KYAT1: variants seen among roughly 807,000 people sequenced by gnomAD.
KYAT1 encodes kynurenine--oxoglutarate transaminase 1.
Under a neutral mutation model 52.4 loss-of-function variants are expected in KYAT1, and 47 were observed. The ratio of observed to expected loss-of-function variants is 0.90; its 90% CI spans 0.71 to 1.14. The LOEUF (loss-of-function observed/expected upper bound fraction) is 1.14, where lower values mean the gene tolerates loss of function less well. Among genes scored for constraint, KYAT1 ranks in the 50% most tolerant of loss-of-function variants. The probability of loss-of-function intolerance (pLI) is 0.00; values close to 1 mark genes in which losing one functional copy is unlikely to be tolerated. For synonymous variants in KYAT1, 212 were observed against 209.6 expected (o/e 1.01, Z -0.10); for missense variants, 480 against 557.9 (o/e 0.86, Z 1.41).
chr9:128,844,819 G>T (rs373669020), intron 2 of KYAT1, among the ~76,000 whole-genome samples: 2 of 151,914 alleles, frequency 1.3e-5, no homozygotes, highest in Non-Finnish European at 2.9e-5. Flanking sequence ...AGCCGAGACC[G>T]CACCATTGCA....
chr9:128,855,341 T>C (rs535651085), intron 1 of KYAT1, among the ~76,000 whole-genome samples: 2 of 152,274 alleles, frequency 1.3e-5, no homozygotes, highest in Non-Finnish European at 2.9e-5. Context: ...TCCATGGAAA[T>C]GGGGTGAAAA....
intron 3 of KYAT1, among the ~76,000 whole-genome samples, chr9:128,838,940 A>T (rs886248502): frequency 3.1e-5 from 4 of 128,490 alleles, no homozygotes; most frequent in African/African-American, 1.2e-4. Flanking sequence ...AGAGGCTTTT[A>T]TTTATTTATT....
At chr9:128,833,892 G>A (rs746951353) in intron 11 of KYAT1, 66 bp from the exon 12 acceptor site, 2 of 1,306,532 alleles carry the variant, frequency 1.5e-6, no homozygotes, top group Non-Finnish European at 2.2e-6. Context: ...CTCCGGAGGG[G>A]ACAGAGAGGT....
chr9:128,867,865 C>A (rs778558379), intron 1 of KYAT1, among the ~76,000 whole-genome samples: 1 of 152,092 alleles, frequency 6.6e-6, no homozygotes, highest in South Asian at 2.1e-4. Context: ...CTCTGCCTCC[C>A]GGGTTCACGC....
chr9:128,866,554 G>A (rs1836405992), intron 1 of KYAT1, among the ~76,000 whole-genome samples: 1 of 152,076 alleles, frequency 6.6e-6, no homozygotes, highest in South Asian at 2.1e-4. Context: ...AGCTGAGATC[G>A]TGCCATTGCA....
intron 1 of KYAT1, among the ~76,000 whole-genome samples, chr9:128,849,587 A>C (rs1588091715): frequency 6.7e-6 from 1 of 149,656 alleles, no homozygotes; most frequent in South Asian, 2.1e-4. Flanking sequence ...TGAGGTTAGG[A>C]GCTCAAGACC....
intron 1 of KYAT1, among the ~76,000 whole-genome samples, chr9:128,851,327 C>T (rs908287015): frequency 6.6e-6 from 1 of 152,114 alleles, no homozygotes; most frequent in East Asian, 1.9e-4. Flanking sequence ...TTCCCGAGTA[C>T]GTCCACGGTC....
chr9:128,877,460 G>A (rs1838214577), intron 1 of KYAT1, among the ~76,000 whole-genome samples: 1 of 152,190 alleles, frequency 6.6e-6, no homozygotes, highest in Non-Finnish European at 1.5e-5. Flanking sequence ...CTCAAAAGGA[G>A]AACAAGGAAA....
rs558366165 is a variant in KYAT1 at position 128,857,128 on chromosome 9, C to T, written c.-6-11717G>A. Among the ~76,000 whole-genome samples, 731 of 152,332 alleles carry T rather than the reference C, an allele frequency of 4.8e-3. 4 individuals are homozygous for T. Among genetic ancestry groups the T allele is most frequent in the African/African-American group, 0.014 (580 of 41,580 alleles). ...GTTTGGGCGGGGAGAAACATAAATC[C>T]GGCCTACGTGCACATGCAGGCATAG... On this transcript the variant is annotated intron_variant, in intron 1 of 12. Transcript: ENST00000302586.
chr9:128,865,344 TA>T (rs1836168884), intron 1 of KYAT1, among the ~76,000 whole-genome samples: 8 of 7,004 alleles, frequency 1.1e-3, no homozygotes, highest in East Asian at 4.5e-3. Context: ...TATATATATA[TA>T]TATATATATA....
chr9:128,862,803 C>A (rs1835639919), intron 1 of KYAT1, among the ~76,000 whole-genome samples: 2 of 152,198 alleles, frequency 1.3e-5, no homozygotes, highest in Non-Finnish European at 1.5e-5. Flanking sequence ...TAAGACTGGG[C>A]ATAGGAGTCA....
intron 6 of KYAT1, 139 bp from the exon 7 acceptor site, chr9:128,837,061 A>C (rs1831261178): frequency 9.3e-7 from 1 of 1,077,298 alleles, no homozygotes; most frequent in Non-Finnish European, 1.3e-6. Context: ...TGGGAGGCCG[A>C]GGCGGGCGGA....
chr9:128,856,456 C>T (rs571186308), intron 1 of KYAT1, among the ~76,000 whole-genome samples: 33 of 152,088 alleles, frequency 2.2e-4, no homozygotes, highest in African/African-American at 6.8e-4. Context: ...GGGATATGTA[C>T]GGCAAAGAAA....
intron 3 of KYAT1, among the ~76,000 whole-genome samples, chr9:128,841,705 A>AAG (rs1832212702): frequency 6.6e-6 from 1 of 150,832 alleles, no homozygotes; most frequent in Admixed American, 6.6e-5. Context: ...AAAAAAAAAA[A>AAG]AAAAAAAAGA....
At chr9:128,865,363 T>TTTTTTTATTTTTTTA (rs1836217325) in intron 1 of KYAT1, among the ~76,000 whole-genome samples, 1 of 65,934 alleles carries the variant, frequency 1.5e-5, no homozygotes, top group African/African-American at 1.3e-4. Flanking sequence ...ATATATATTT[T>TTTTTTTATTTTTTTA]TTTTTTTTTT....
In KYAT1 at chr9:128,842,745, A is replaced by G. The variant is rs773715008; in HGVS notation, c.110T>C (p.Phe37Ser). The part of the protein sequence containing the change: ...EHDVVNLGQG[F>S]PDFPPPDFAV... ...AAAGTCTGGTGGTGGGAAATCCGGG[A>G]AGCCCTGGCCCAAGTTCACGACGTC... The change falls in exon 3 of 13, where the codon TTC becomes TCC. Residue 37 changes from phenylalanine (F) to serine (S), a missense_variant. Transcript: ENST00000302586. 10 of 1,614,078 alleles carry G rather than the reference A, an allele frequency of 6.2e-6. No homozygotes were observed. Among genetic ancestry groups the G allele is most frequent in the Admixed American group, 1.7e-5 (1 of 60,006 alleles).
intron 1 of KYAT1, among the ~76,000 whole-genome samples, chr9:128,877,582 G>A (rs1037091560): frequency 2.0e-5 from 3 of 152,196 alleles, no homozygotes; most frequent in African/African-American, 7.2e-5. Context: ...AGGGCTGACA[G>A]GAGACCACCA....
At chr9:128,870,950 C>CAAA (rs11334239) in intron 1 of KYAT1, among the ~76,000 whole-genome samples, 34 of 98,082 alleles carry the variant, frequency 3.5e-4, no homozygotes, top group African/African-American at 1.1e-3. Flanking sequence ...ACCTCAATTA[C>CAAA]AAAAAAAAAA....
At chr9:128,843,175 C>T (rs965951385) in intron 2 of KYAT1, among the ~76,000 whole-genome samples, 2 of 151,894 alleles carry the variant, frequency 1.3e-5, no homozygotes, top group Non-Finnish European at 2.9e-5. Context: ...CTTAAAAAAA[C>T]AAAAACAAAA....
Sources: allele counts gnomAD v4.1 joint callset (sites outside exome capture counted in the v4.1 genomes callset), GRCh38; gene constraint gnomAD v4.1.1; transcripts MANE v1.5; gene names NCBI Gene and HGNC (gene_info 2026-07-23, HGNC 2026-07-21).